The following MCM5 variants were observed in gnomAD, a reference collection of about 807,000 sequenced individuals.
MCM5 encodes the protein DNA replication licensing factor MCM5.
A neutral mutation model predicts 79.9 loss-of-function variants in MCM5; 46 were observed. That is an observed-to-expected ratio of 0.58 (90% confidence interval 0.45 to 0.74). The LOEUF is 0.74. Ranked by LOEUF, MCM5 falls within the 30% of genes least tolerant of loss-of-function variation. The pLI, the probability that MCM5 is intolerant of heterozygous loss-of-function variation, is 0.00. For synonymous variants in MCM5, 404 were observed against 390.5 expected, an observed-to-expected ratio of 1.03 and a Z score of -0.41; for missense variants, 883 against 1,017.0, an observed-to-expected ratio of 0.87 and a Z score of 1.79.
chr22:35,415,075 A>C (rs547972568), intron 9 of MCM5, among the ~76,000 whole-genome samples: 17 of 152,080 alleles, frequency 1.1e-4, no homozygotes, highest in African/African-American at 4.1e-4. Context: ...ATTAAAAAGT[A>C]GCTGGGTGCG....
rs1390312867 is a variant in MCM5, at chr22:35,415,849, C to T, written c.1224C>T (p.Gly408=). Reference sequence around the variant, plus strand: ...CCCAGGTATACACGTCTGGGAAAGGCAGCAGCGCAGCTGGACTGACAGCCT... The same window carrying T: ...CCCAGGTATACACGTCTGGGAAAGGTAGCAGCGCAGCTGGACTGACAGCCT... ...SPIGVYTSGK[G]SSAAGLTASV... is the part of the protein sequence containing the mutation. The change falls in exon 10 of 17, where the codon GGC becomes GGT. Residue 408 remains glycine (G), a synonymous_variant. Transcript: ENST00000216122. The T allele has an allele frequency of 1.9e-6, 3 of 1,613,644 alleles. No homozygotes were observed. The African/African-American group carries it at 4.0e-5, about 22-fold the overall frequency.
At chr22:35,415,187 C>T (rs1264282436) in intron 9 of MCM5, among the ~76,000 whole-genome samples, 7 of 151,870 alleles carry the variant, frequency 4.6e-5, no homozygotes, top group Admixed American at 1.3e-4. Flanking sequence ...AGCAAGACCC[C>T]GTTTCAATTT....
rs567174777 is a variant in MCM5, at chr22:35,413,452, T to G, written c.1092-423T>G. 9.2e-5 allele frequency among the ~76,000 whole-genome samples: 14 copies of G among 152,250 alleles called. No homozygotes were observed. In the South Asian group the frequency reaches 2.5e-3, roughly 27 times the overall value. ...TTTTATAGATGAGGGAATTGAGGCATAGAGAGTTAAAGGGACTTGCTCCCC... is the reference window on the plus strand; with the variant it reads ...TTTTATAGATGAGGGAATTGAGGCAGAGAGAGTTAAAGGGACTTGCTCCCC... On this transcript the variant is annotated intron_variant, in intron 8 of 16. Transcript: ENST00000216122.
chr22:35,403,597 G>C, intron 4 of MCM5, 55 bp downstream of exon 4: 1 of 1,597,430 alleles, frequency 6.3e-7, no homozygotes, highest in Non-Finnish European at 8.5e-7. Flanking sequence ...GATGCAGCCA[G>C]ACCTGAGTGC....
intron 7 of MCM5, chr22:35,411,557 A>C (rs1348774604): frequency 2.0e-5 from 3 of 152,260 alleles, no homozygotes; most frequent in Non-Finnish European, 2.9e-5. Context: ...GTGGTGTAAG[A>C]GGCCTTGAGT....
the MCM5 span, among the ~76,000 whole-genome samples, chr22:35,446,423 A>G: frequency 6.6e-6 from 1 of 152,102 alleles, no homozygotes; most frequent in Non-Finnish European, 1.5e-5. Flanking sequence ...ACTGTCTCTC[A>G]CACCAGCCAT....
the MCM5 span, among the ~76,000 whole-genome samples, chr22:35,442,289 G>A: frequency 1.6e-4 from 24 of 151,680 alleles, no homozygotes; most frequent in African/African-American, 5.6e-4. Flanking sequence ...CTCCGTCTGC[G>A]CTTCTCTCTC....
downstream of MCM5, among the ~76,000 whole-genome samples, chr22:35,428,970 C>CTTTTTTTTTTTT (rs35549972): frequency 1.2e-4 from 8 of 65,516 alleles, no homozygotes; most frequent in South Asian, 6.0e-4. Context: ...TTTCTTTGAC[C>CTTTTTTTTTTTT]TTTTTTTTTT....
the MCM5 span, among the ~76,000 whole-genome samples, chr22:35,430,810 T>C: frequency 2.9e-5 from 1 of 34,354 alleles, no homozygotes; most frequent in Non-Finnish European, 7.6e-5. Context: ...GTACCCAGCC[T>C]TTTTTTTTTT....
At chr22:35,426,599 A>G (rs1322055500), downstream of MCM5, among the ~76,000 whole-genome samples, 1 of 152,148 alleles carries the variant, frequency 6.6e-6, no homozygotes, top group Non-Finnish European at 1.5e-5. Context: ...TTCACCCCTC[A>G]GCCTCCTTTC....
the MCM5 span, among the ~76,000 whole-genome samples, chr22:35,438,602 C>CCCACCCACATATTCATCCATCCAT: frequency 0.59 from 34,791 of 58,498 alleles, 11,200 homozygotes; most frequent in Non-Finnish European, 0.63. Context: ...CATGCATCCA[C>CCCACCCACATATTCATCCATCCAT]CCACCCACAT....
At chr22:35,416,842 A>G in intron 12 of MCM5, 28 bp downstream of exon 12, 13 of 1,606,980 alleles carry the variant, frequency 8.1e-6, no homozygotes, top group Non-Finnish European at 1.1e-5. Flanking sequence ...GCTGGTGGCC[A>G]TGGGACCTGC....
Position 35,424,026 on chromosome 22 carries a change from C to T in MCM5, c.2104-128C>T, listed in dbSNP as rs189769720. On this transcript the variant is annotated intron_variant, in intron 16 of 16. Transcript: ENST00000216122. ...CAGTGTCTGGTACACAGTGGGCACTCAGGAAGTGTGGGCCCTTTAGGTCAA... is the reference window on the plus strand; with the variant it reads ...CAGTGTCTGGTACACAGTGGGCACTTAGGAAGTGTGGGCCCTTTAGGTCAA... 3.4e-5 allele frequency: 21 copies of T among 617,596 alleles called. No homozygotes were observed. In the Admixed American group the frequency reaches 3.7e-4, roughly 11 times the overall value. 38.3% of individuals were successfully genotyped at this position (617,596 alleles called of 1,614,324 possible).
Position 35,421,332 on chromosome 22 carries a change from T to C in MCM5, c.1847T>C (p.Ile616Thr). Reference sequence around the variant, plus strand: ...TGCCCCCACAGGCAGCTGGAGGCCATTGTGCGCATCGCGGAAGCCCTCAGC... The same window carrying C: ...TGCCCCCACAGGCAGCTGGAGGCCACTGTGCGCATCGCGGAAGCCCTCAGC... ...IPITVRQLEA[I>T]VRIAEALSKM... The change falls in exon 15 of 17, where the codon ATT (isoleucine) becomes ACT (threonine). Residue 616 changes from isoleucine to threonine, a missense_variant. By Grantham distance (89) the Ile-to-Thr change is moderately conservative (BLOSUM62 -1). This residue lies in a region of MCM5 where 426 missense variants were observed against 482.3 expected (regional missense o/e 0.88). Transcript: ENST00000216122. 1 of 1,613,404 alleles carries C rather than the reference T, an allele frequency of 6.2e-7. No homozygotes were observed. The highest frequency in any genetic ancestry group is 8.5e-7 in the Non-Finnish European group (1 of 1,179,900).
intron 13 of MCM5, among the ~76,000 whole-genome samples, chr22:35,418,205 T>C (rs1281367437): frequency 6.6e-6 from 1 of 152,218 alleles, no homozygotes; most frequent in Admixed American, 6.5e-5. Context: ...TTGGCCTCTC[T>C]GAGCCTTGAT....
At chr22:35,434,882 T>C in the MCM5 span, among the ~76,000 whole-genome samples, 1 of 151,852 alleles carries the variant, frequency 6.6e-6, no homozygotes, top group African/African-American at 2.4e-5. Context: ...CAGGGCGCGG[T>C]GGCTCACGCC....
At chr22:35,445,325 CTTTTTTTTT>C in the MCM5 span, among the ~76,000 whole-genome samples, 3 of 83,628 alleles carry the variant, frequency 3.6e-5, no homozygotes, top group Admixed American at 1.7e-4. Flanking sequence ...TTTGACTATG[CTTTTTTTTT>C]TTTTTTTTTT....
chr22:35,442,619 C>T, the MCM5 span, among the ~76,000 whole-genome samples: 6 of 152,330 alleles, frequency 3.9e-5, no homozygotes, highest in East Asian at 1.9e-4. Flanking sequence ...CAGCACCCTC[C>T]GATTCCCTCC....
the MCM5 span, among the ~76,000 whole-genome samples, chr22:35,440,915 G>C: frequency 1.3e-5 from 2 of 152,102 alleles, no homozygotes; most frequent in Admixed American, 6.5e-5. Flanking sequence ...AAATTAGCCG[G>C]GTGTGGTGGC....
Sources: allele counts gnomAD v4.1 joint callset (sites outside exome capture counted in the v4.1 genomes callset), GRCh38; gene constraint gnomAD v4.1.1; regional missense constraint gnomAD v4.1.1; transcripts MANE v1.5; gene names NCBI Gene and HGNC (gene_info 2026-07-23, HGNC 2026-07-21).